ZNF544: variants seen among roughly 807,000 people sequenced by gnomAD.
ZNF544 encodes the protein zinc finger protein AF020591.
ZNF544 carries 10 observed loss-of-function variants against 13.5 expected under a neutral mutation model. The observed-to-expected ratio is 0.74, with a 90% CI of 0.46 to 1.25. The LOEUF (loss-of-function observed/expected upper bound fraction) is 1.25, where lower values mean the gene tolerates loss of function less well. Among genes scored for constraint, ZNF544 ranks in the 50% most tolerant of loss-of-function variants. ZNF544 has a pLI of 0.00. For missense variants in ZNF544, 896 were observed against 845.6 expected, an observed-to-expected ratio of 1.06 and a Z score of -0.74; for synonymous variants, 323 against 300.5, an observed-to-expected ratio of 1.07 and a Z score of -0.77.
At chr19:58,271,473 A>G (rs1239688163) in intron 5 of ZNF544, among the ~76,000 whole-genome samples, 4 of 151,858 alleles carry the variant, frequency 2.6e-5, no homozygotes, top group Non-Finnish European at 4.4e-5. Flanking sequence ...ATAGTAGCAC[A>G]TACCTGAAGT....
rs2049436555 is a variant in ZNF544 at position 58,263,598 on chromosome 19, T to C, written c.*844T>C. ...TGGAGTGTGCACTGAAACTGTGTAT[T>C]ACCAAGCTCACTCTAGCCAACTAAA... On this transcript the variant is annotated 3_prime_UTR_variant, in exon 7 of 7. Transcript: ENST00000687789. 1.0e-6 allele frequency: 1 copy of C among 983,312 alleles called. No individual in the cohort carries two copies. The highest frequency in any genetic ancestry group is 1.7e-5 in the African/African-American group (1 of 57,228). The allele number at this position is 983,312 out of a possible 1,614,324, so 60.9% of individuals were successfully genotyped here. A position where few individuals can be genotyped will look rare whatever the true frequency, so the allele number is the denominator to read the frequency against.
chr19:58,268,048 C>T (rs1282544967), downstream of ZNF544, among the ~76,000 whole-genome samples: 1 of 151,946 alleles, frequency 6.6e-6, no homozygotes, highest in African/African-American at 2.4e-5. Flanking sequence ...GCCTATAATC[C>T]CAACACTTTG....
chr19:58,255,669 GC>G (rs1016906316), intron 6 of ZNF544, among the ~76,000 whole-genome samples: 10 of 152,178 alleles, frequency 6.6e-5, no homozygotes, highest in African/African-American at 2.4e-4. Flanking sequence ...ATTATCTTTT[GC>G]CCTTACAGGC....
At chr19:58,260,536 T>G (rs1196730695) in intron 6 of ZNF544, 1 of 199,388 alleles carries the variant, frequency 5.0e-6, no homozygotes, top group African/African-American at 2.3e-5. Context: ...TGCCTCAGCC[T>G]CCCAAAGTTC....
chr19:58,256,748 C>T (rs538661446), intron 6 of ZNF544, among the ~76,000 whole-genome samples: 3 of 152,240 alleles, frequency 2.0e-5, no homozygotes, highest in African/African-American at 7.2e-5. Context: ...GATCTGTTTA[C>T]CCAGGCCAAC....
chr19:58,277,261 A>G, exon 7 of ZNF544: 6 of 750,948 alleles, frequency 8.0e-6, no homozygotes, highest in Non-Finnish European at 9.6e-6. Flanking sequence ...AGCCCTCAGG[A>G]GTCGGCCAGA....
chr19:58,255,942 A>C (rs1378543542), intron 6 of ZNF544, among the ~76,000 whole-genome samples: 1 of 152,246 alleles, frequency 6.6e-6, no homozygotes, highest in Non-Finnish European at 1.5e-5. Flanking sequence ...ACGGCAGCTG[A>C]AAGATTTTCT....
chr19:58,237,360 A>G (rs946400242), intron 3 of ZNF544, among the ~76,000 whole-genome samples: 1 of 152,154 alleles, frequency 6.6e-6, no homozygotes, highest in South Asian at 2.1e-4. Flanking sequence ...CCTGGCCTCA[A>G]GCTTCTGTTC....
chr19:58,271,997 A>G (rs1043899720), intron 5 of ZNF544, among the ~76,000 whole-genome samples: 1 of 152,090 alleles, frequency 6.6e-6, no homozygotes, highest in African/African-American at 2.4e-5. Flanking sequence ...CCCTGTCCCC[A>G]CTAAAAATGC....
At chr19:58,258,866 A>T (rs1489271642) in intron 6 of ZNF544, 1 of 152,268 alleles carries the variant, frequency 6.6e-6, no homozygotes, top group South Asian at 2.1e-4. Flanking sequence ...CAGAGTGACA[A>T]GCAGAGTGGA....
intron 6 of ZNF544, among the ~76,000 whole-genome samples, chr19:58,253,221 AATTTC>A (rs960994664): frequency 6.6e-6 from 1 of 152,200 alleles, no homozygotes; most frequent in African/African-American, 2.4e-5. Flanking sequence ...CATTTATCCC[AATTTC>A]ATTTACTCAA....
chr19:58,263,632 T>G lies in ZNF544; in HGVS notation c.*878T>G, dbSNP rs1371650823. ...CACTCTAGCCAACTAAATAAAAATC[T>G]CTGGCAGTAAAATCCAGGAGTCTGC... On this transcript the variant is annotated 3_prime_UTR_variant, in exon 7 of 7. Transcript: ENST00000687789. The G allele has an allele frequency of 2.1e-6, 2 of 966,720 alleles. No homozygotes were observed. Among genetic ancestry groups the G allele is most frequent in the African/African-American group, 1.8e-5 (1 of 56,878 alleles). 59.9% of individuals were successfully genotyped at this position (966,720 alleles called of 1,614,324 possible).
At position 58,263,607 on chromosome 19, in the gene ZNF544, C is replaced by A. The variant is rs1000465051; in HGVS notation, c.*853C>A. 1.0e-6 allele frequency: 1 copy of A among 980,592 alleles called. No individual in the cohort carries two copies. The highest frequency in any genetic ancestry group is 4.7e-5 in the South Asian group (1 of 21,196). The allele number at this position is 980,592 out of a possible 1,614,324, so 60.7% of individuals were successfully genotyped here. ...CACTGAAACTGTGTATTACCAAGCTCACTCTAGCCAACTAAATAAAAATCT... is the reference window on the plus strand; with the variant it reads ...CACTGAAACTGTGTATTACCAAGCTAACTCTAGCCAACTAAATAAAAATCT... On this transcript the variant is annotated 3_prime_UTR_variant, in exon 7 of 7. Coordinates refer to ENST00000687789, the MANE Select transcript of ZNF544 (RefSeq NM_014480.4).
At chr19:58,244,692 C>T (rs2044695813) in intron 4 of ZNF544, among the ~76,000 whole-genome samples, 1 of 151,362 alleles carries the variant, frequency 6.6e-6, no homozygotes, top group African/African-American at 2.4e-5. Context: ...CCTCCCACCT[C>T]AGCCTCTCCA....
rs145856666 is a variant in ZNF544, at chr19:58,244,838, A to T, written c.33+782A>T. 4.8e-4 allele frequency among the ~76,000 whole-genome samples: 73 copies of T among 152,240 alleles called. No individual in the cohort carries two copies. The Middle Eastern group carries it at 0.01, about 21-fold the overall frequency. On this transcript the variant is annotated intron_variant, in intron 4 of 6. Transcript: ENST00000687789. ...GAGATGCTTCAGCCTCGGCCTCCCA[A>T]AGTGCTGGAATCACAGGCGTGAGCC...
At chr19:58,258,364 G>C (rs1233779778) in intron 6 of ZNF544, 1 of 156,056 alleles carries the variant, frequency 6.4e-6, no homozygotes, top group East Asian at 1.9e-4. Flanking sequence ...GACAGTGCAA[G>C]TGTGAGAGTG....
intron 3 of ZNF544, 107 bp from the exon 4 acceptor site, chr19:58,243,858 C>T: frequency 1.1e-6 from 1 of 874,136 alleles, no homozygotes; most frequent in Non-Finnish European, 1.6e-6. Flanking sequence ...CATTCCCGCA[C>T]CTGGGAAGCC....
chr19:58,265,179 G>A (rs1475632602), downstream of ZNF544, among the ~76,000 whole-genome samples: 2 of 152,082 alleles, frequency 1.3e-5, no homozygotes, highest in Admixed American at 6.6e-5. Flanking sequence ...TTCACAGAAG[G>A]TTACAAGCAC....
chr19:58,240,912 AT>A (rs1470468101), intron 3 of ZNF544, among the ~76,000 whole-genome samples: 1 of 150,716 alleles, frequency 6.6e-6, no homozygotes, highest in Non-Finnish European at 1.5e-5. Context: ...GGTAGGGGTC[AT>A]TTTTTTCTTT....
Sources: allele counts gnomAD v4.1 joint callset (sites outside exome capture counted in the v4.1 genomes callset), GRCh38; gene constraint gnomAD v4.1.1; transcripts MANE v1.5; gene names NCBI Gene and HGNC (gene_info 2026-07-23, HGNC 2026-07-21).